Variants in NTM observed in about 807,000 individuals in gnomAD.
The protein encoded by NTM is neurotrimin, also known as IgLON family member 2.
A neutral mutation model predicts 42.1 loss-of-function variants in NTM; 13 were observed. The observed-to-expected ratio is 0.31, with a 90% CI of 0.20 to 0.49. The LOEUF is 0.49. Ranked by LOEUF, NTM falls within the 20% of genes least tolerant of loss-of-function variation. The probability of loss-of-function intolerance (pLI) is 0.99; values close to 1 mark genes in which losing one functional copy is unlikely to be tolerated. For synonymous variants in NTM, 187 were observed against 179.2 expected, an observed-to-expected ratio of 1.04 and a Z score of -0.35; for missense variants, 373 against 452.8, an observed-to-expected ratio of 0.82 and a Z score of 1.60.
At chr11:131,800,621 C>T (rs2136224401) in intron 1 of NTM, among the ~76,000 whole-genome samples, 1 of 152,354 alleles carries the variant, frequency 6.6e-6, no homozygotes, top group Middle Eastern at 3.4e-3. Context: ...GCATACCTAA[C>T]AGATATTTTG....
intron 1 of NTM, among the ~76,000 whole-genome samples, chr11:131,674,099 G>A (rs910793239): frequency 6.6e-6 from 1 of 152,256 alleles, no homozygotes; most frequent in African/African-American, 2.4e-5. Flanking sequence ...CGTAGGGTGA[G>A]CAGGTAGGCA....
intron 7 of NTM, among the ~76,000 whole-genome samples, chr11:132,319,085 G>A (rs1227695181): frequency 1.3e-5 from 2 of 152,092 alleles, no homozygotes; most frequent in African/African-American, 4.8e-5. Flanking sequence ...ACCTCCATGT[G>A]ACTGTATTCA....
chr11:131,562,961 C>T (rs890682693), intron 1 of NTM, among the ~76,000 whole-genome samples: 9 of 152,140 alleles, frequency 5.9e-5, no homozygotes, highest in African/African-American at 1.9e-4. Flanking sequence ...CCCTCCATGG[C>T]CCCAGGGGGA....
intron 2 of NTM, among the ~76,000 whole-genome samples, chr11:132,128,789 T>A (rs111931202): frequency 0.048 from 7,275 of 151,292 alleles, 271 homozygotes; most frequent in African/African-American, 0.098. Flanking sequence ...TAAAATAAAA[T>A]TAGCCGAGTG....
At chr11:132,121,691 T>TCCCTC in intron 2 of NTM, among the ~76,000 whole-genome samples, 1 of 152,338 alleles carries the variant, frequency 6.6e-6, no homozygotes, top group African/African-American at 2.4e-5. Flanking sequence ...CAGCTCTGTG[T>TCCCTC]CCCTCGATTC....
chr11:131,600,695 C>T (rs990629609), intron 1 of NTM, among the ~76,000 whole-genome samples: 4 of 152,134 alleles, frequency 2.6e-5, no homozygotes, highest in African/African-American at 9.7e-5. Flanking sequence ...GGAACCTGAC[C>T]GCTGGCCAGG....
At chr11:131,934,205 T>A (rs527695011) in intron 2 of NTM, among the ~76,000 whole-genome samples, 1 of 152,328 alleles carries the variant, frequency 6.6e-6, no homozygotes, top group Non-Finnish European at 1.5e-5. Context: ...TTGACCTTTT[T>A]TTCCTGGTGA....
chr11:131,789,921 A>T (rs2090658949), intron 1 of NTM, among the ~76,000 whole-genome samples: 1 of 133,022 alleles, frequency 7.5e-6, no homozygotes, highest in Admixed American at 8.6e-5. Context: ...GCGCCACTGC[A>T]CTCCAGCCTG....
intron 1 of NTM, among the ~76,000 whole-genome samples, chr11:131,706,289 CA>C (rs2076583340): frequency 6.6e-6 from 1 of 151,796 alleles, no homozygotes; most frequent in Admixed American, 6.6e-5. Flanking sequence ...GAGGATATAA[CA>C]ATTTTAAATA....
chr11:131,460,120 A>G (rs1322369053), intron 1 of NTM, among the ~76,000 whole-genome samples: 1 of 152,192 alleles, frequency 6.6e-6, no homozygotes, highest in Non-Finnish European at 1.5e-5. Flanking sequence ...TCCAGAACAA[A>G]CTTTATTTCC....
chr11:132,074,831 G>T (rs1052908896), intron 2 of NTM, among the ~76,000 whole-genome samples: 8 of 152,212 alleles, frequency 5.3e-5, no homozygotes, highest in African/African-American at 1.9e-4. Flanking sequence ...TGTAGTTTCA[G>T]ATAGTTAGAA....
At chr11:131,545,833 G>A (rs997811517) in intron 1 of NTM, among the ~76,000 whole-genome samples, 16 of 152,220 alleles carry the variant, frequency 1.1e-4, no homozygotes, top group African/African-American at 3.6e-4. Flanking sequence ...TAGATTTTTC[G>A]GCAGAGGGAC....
chr11:132,111,555 A>T (rs1357484648), intron 2 of NTM, among the ~76,000 whole-genome samples: 1 of 152,186 alleles, frequency 6.6e-6, no homozygotes, highest in Non-Finnish European at 1.5e-5. Flanking sequence ...GTGATGCTGC[A>T]GTCCTCTGCA....
chr11:132,162,736 AGT>A (rs1485056944), intron 3 of NTM, among the ~76,000 whole-genome samples: 1 of 110,496 alleles, frequency 9.1e-6, no homozygotes, highest in East Asian at 2.6e-4. Flanking sequence ...AGCATGTGTG[AGT>A]GTGTGTATGT....
At chr11:131,956,711 C>G (rs1334138974) in intron 2 of NTM, among the ~76,000 whole-genome samples, 1 of 150,540 alleles carries the variant, frequency 6.6e-6, no homozygotes, top group African/African-American at 2.5e-5. Flanking sequence ...TTAAAATTTG[C>G]CTTTGTCTTC....
chr11:131,429,282 G>T (rs772872463), intron 1 of NTM, among the ~76,000 whole-genome samples: 1 of 152,146 alleles, frequency 6.6e-6, no homozygotes, highest in Non-Finnish European at 1.5e-5. Flanking sequence ...AGAGTTCAAA[G>T]AGCATAGGAG....
intron 1 of NTM, among the ~76,000 whole-genome samples, chr11:131,843,579 A>C (rs552276642): frequency 2.0e-5 from 3 of 152,230 alleles, no homozygotes; most frequent in Non-Finnish European, 4.4e-5. Context: ...GCATGTATGC[A>C]GCTTGTGCAC....
chr11:131,897,991 T>G (rs1408791708), intron 1 of NTM, among the ~76,000 whole-genome samples: 1 of 152,326 alleles, frequency 6.6e-6, no homozygotes, highest in Non-Finnish European at 1.5e-5. Context: ...ATTTCTCAAA[T>G]ATTTCGGATT....
intron 4 of NTM, among the ~76,000 whole-genome samples, chr11:132,282,315 C>T (rs2094002699): frequency 6.6e-6 from 1 of 152,196 alleles, no homozygotes. Flanking sequence ...TCTCTTGTCA[C>T]CAGAGCAGCT....
Sources: allele counts gnomAD v4.1 joint callset (sites outside exome capture counted in the v4.1 genomes callset), GRCh38; gene constraint gnomAD v4.1.1; transcripts MANE v1.5; gene names NCBI Gene and HGNC (gene_info 2026-07-23, HGNC 2026-07-21).